MOV10: variants seen among roughly 807,000 people sequenced by gnomAD.
The protein encoded by MOV10 is Mov10 RNA helicase, also known as RNA helicase MOV-10.
A neutral mutation model predicts 108.4 loss-of-function variants in MOV10; 39 were observed. That is an observed-to-expected ratio of 0.36 (90% CI 0.28 to 0.47). The LOEUF (loss-of-function observed/expected upper bound fraction) is 0.47. Among genes scored for constraint, MOV10 ranks in the 20% least tolerant of loss-of-function variants. The pLI, the probability that MOV10 is intolerant of heterozygous loss-of-function variation, is 1.00. For synonymous variants in MOV10, 490 were observed against 523.1 expected (o/e 0.94, Z 0.86); for missense variants, 952 against 1,297.6 (o/e 0.73, Z 4.09).
chr1:112,695,872 T>C (rs931976637), intron 11 of MOV10, among the ~76,000 whole-genome samples: 26 of 152,074 alleles, frequency 1.7e-4, no homozygotes, highest in African/African-American at 6.0e-4. Context: ...AAATCCCGTC[T>C]CTACTAAAAA....
In MOV10 at chr1:112,694,933, A is replaced by G. The variant is rs1195376194; in HGVS notation, c.1620+37A>G. The stretch of plus-strand genomic sequence containing the variant: ...GCACAAACCTGGGGCCTGCACTCTG[A>G]TTCCCCCAGCACCAAGCAGTTGTCC... On this transcript the variant is annotated intron_variant, in intron 10 of 20. Coordinates refer to ENST00000369645, the MANE Select transcript of MOV10 (RefSeq NM_001321324.2). This position sits in a 1 kb window ranked among gnomAD's most constrained non-coding sequence, Gnocchi z 4.1. The G allele has an allele frequency of 1.3e-6, 2 of 1,596,398 alleles. No individual in the cohort carries two copies. The highest frequency in any genetic ancestry group is 1.7e-6 in the Non-Finnish European group (2 of 1,168,446).
chr1:112,691,888 C>G, intron 6 of MOV10, 89 bp downstream of exon 6: 4 of 1,419,344 alleles, frequency 2.8e-6, no homozygotes, highest in Non-Finnish European at 3.9e-6. Context: ...CCTCAGCCTC[C>G]CAGGCTGTAT....
chr1:112,696,303 T>G, intron 12 of MOV10, 52 bp downstream of exon 12: 1 of 1,470,000 alleles, frequency 6.8e-7, no homozygotes. Context: ...ATTAAAGGGG[T>G]ACCGGGCTGG....
intron 4 of MOV10, 81 bp downstream of exon 4, chr1:112,689,731 A>C (rs904715929): frequency 1.9e-6 from 3 of 1,583,468 alleles, no homozygotes; most frequent in Admixed American, 3.4e-5. Context: ...ACACACTGTC[A>C]CTGTCCATGG....
intron 17 of MOV10, chr1:112,699,102 G>A (rs1453959268): frequency 1.7e-5 from 6 of 358,386 alleles, no homozygotes; most frequent in Non-Finnish European, 3.1e-5. Flanking sequence ...CCCACCCCCA[G>A]TAGCCTCTCT....
intron 14 of MOV10, 37 bp from the exon 15 acceptor site, chr1:112,697,957 G>A (rs1232180171): frequency 1.3e-6 from 2 of 1,565,150 alleles, no homozygotes; most frequent in Middle Eastern, 1.7e-4. Context: ...GAGGGAATCT[G>A]ACCCTTGGTC....
chr1:112,698,281 G>T lies in MOV10; in HGVS notation c.2317-6G>T. The T allele has an allele frequency of 6.2e-7, 1 of 1,612,484 alleles. No homozygotes were observed. The highest frequency in any genetic ancestry group is 2.2e-5 in the East Asian group (1 of 44,854). ...GGCTGACGGTTTCCCCCGACCCCAT[G>T]TCCAGGGCTTTCCCATCATCTTTCA... On this transcript the variant is annotated splice_polypyrimidine_tract_variant and splice_region_variant and intron_variant, in intron 15 of 20. Coordinates refer to ENST00000369645, the MANE Select transcript of MOV10 (RefSeq NM_001321324.2).
rs767319859 is a variant in MOV10 at position 112,695,579 on chromosome 1, T to TCAG, written c.1779+5_1779+6insCAG. 1 of 1,612,974 alleles carries TCAG rather than the reference T, an allele frequency of 6.2e-7. No individual in the cohort carries two copies. Among genetic ancestry groups the TCAG allele is most frequent in the South Asian group, 1.1e-5 (1 of 91,004 alleles). ...ATGGTACCTGAGGACATCAAGGTAC[T>TCAG]AGGGAAGTGCAGAGGGCCAAAGAAT... On this transcript the variant is annotated splice_donor_region_variant and intron_variant, in intron 11 of 20. Transcript: ENST00000369645.
intron 2 of MOV10, among the ~76,000 whole-genome samples, chr1:112,681,828 G>A (rs1400005602): frequency 2.0e-5 from 3 of 150,716 alleles, no homozygotes; most frequent in Non-Finnish European, 2.9e-5. Context: ...TAATTATTTA[G>A]CGTGATTATT....
Position 112,700,444 on chromosome 1 carries a change from G to A in MOV10, c.2949G>A (p.Gln983=). ...CCCACAGCCATGACTACCTCCCCCA[G>A]GAGCGGGAGGGTGAAGGGGGCCTGT... ...SGPHSHDYLP[Q]EREGEGGLSL... Residue 983 remains glutamine (Q), a synonymous_variant, in exon 21 of 21, where the codon CAG becomes CAA. Transcript: ENST00000369645. 6.2e-7 allele frequency: 1 copy of A among 1,613,790 alleles called. No individual in the cohort carries two copies. The highest frequency in any genetic ancestry group is 8.5e-7 in the Non-Finnish European group (1 of 1,179,866).
intron 2 of MOV10, chr1:112,688,543 G>A: frequency 9.0e-7 from 1 of 1,109,818 alleles, no homozygotes; most frequent in Non-Finnish European, 1.1e-6. Flanking sequence ...CTTCCCCTTA[G>A]CCTCAGCTCT....
intron 14 of MOV10, 27 bp from the exon 15 acceptor site, chr1:112,697,967 C>G (rs752042205): frequency 3.1e-6 from 5 of 1,594,344 alleles, no homozygotes; most frequent in Admixed American, 3.3e-5. Flanking sequence ...GACCCTTGGT[C>G]TTGCTTTTCC....
In MOV10 at chr1:112,700,607, C is replaced by G. The variant is rs755847259; in HGVS notation, c.*100C>G. 6.4e-7 allele frequency: 1 copy of G among 1,556,912 alleles called. No homozygotes were observed. Among genetic ancestry groups the G allele is most frequent in the East Asian group, 2.4e-5 (1 of 41,294 alleles). ...ACTGCCCCTCCAAGGGACAGGAAGG[C>G]TGGGGGAGGGAGTTTACAACCCAAG... On this transcript the variant is annotated 3_prime_UTR_variant, in exon 21 of 21. Coordinates refer to ENST00000369645, the MANE Select transcript of MOV10 (RefSeq NM_001321324.2).
chr1:112,689,748 T>G, intron 4 of MOV10, 92 bp from the exon 5 acceptor site: 2 of 1,583,638 alleles, frequency 1.3e-6, no homozygotes, highest in Admixed American at 1.7e-5. Context: ...ATGGGACTCT[T>G]GCCTTGGGAT....
rs1046856116 is a variant in MOV10 at position 112,678,483 on chromosome 1, G to A, written c.137+3434G>A. ...AATTATTTAATTACGGTTGTGATGA[G>A]TGCTTGTACAGAAAAGTCCAGTATG... On this transcript the variant is annotated intron_variant, in intron 2 of 20. Transcript: ENST00000369645. Among the ~76,000 whole-genome samples the A allele has an allele frequency of 3.9e-5, 6 of 152,100 alleles. 1 individual carries two copies. In the South Asian group the frequency reaches 1.2e-3, roughly 32 times the overall value.
intron 17 of MOV10, chr1:112,699,337 G>A (rs1195554544): frequency 4.3e-6 from 2 of 469,596 alleles, no homozygotes; most frequent in East Asian, 8.4e-5. Flanking sequence ...CTGATCGGGG[G>A]TCCGGGTTAG....
At chr1:112,677,783 G>A (rs981058497) in intron 2 of MOV10, among the ~76,000 whole-genome samples, 1 of 152,066 alleles carries the variant, frequency 6.6e-6, no homozygotes, top group Non-Finnish European at 1.5e-5. Context: ...GGGGGGTATA[G>A]CAAGTCACAC....
Position 112,696,186 on chromosome 1 carries a change from A to G in MOV10, c.1818A>G (p.Val606=). The stretch of plus-strand genomic sequence containing the variant: ...GGGACGCAAAGAAGGGGGAGTATGT[A>G]TTTCCCGCCAAGAAGAAGCTGCAGG... The part of the protein sequence containing the change: ...CNWDAKKGEY[V]FPAKKKLQEY... The change falls in exon 12 of 21, where the codon GTA becomes GTG. Residue 606 remains valine (V), a synonymous_variant. Transcript: ENST00000369645. The G allele has an allele frequency of 6.2e-7, 1 of 1,613,984 alleles. No individual in the cohort carries two copies. Among genetic ancestry groups the G allele is most frequent in the Non-Finnish European group, 8.5e-7 (1 of 1,179,978 alleles).
chr1:112,684,118 T>C (rs930162435), intron 2 of MOV10, among the ~76,000 whole-genome samples: 4 of 147,332 alleles, frequency 2.7e-5, no homozygotes, highest in Non-Finnish European at 6.0e-5. Flanking sequence ...ACCTGACTAA[T>C]TTTTTTTTTT....
Sources: gnomAD v4.1 joint callset for allele counts (sites outside exome capture counted in the v4.1 genomes callset) on GRCh38, gnomAD v4.1.1 for gene constraint, Gnocchi (gnomAD v3.1) non-coding constraint, MANE v1.5 for transcripts, NCBI Gene and HGNC (gene_info 2026-07-23, HGNC 2026-07-21) for gene names.